The following GRIN2B variants were observed in gnomAD, a reference collection of about 807,000 sequenced individuals.
GRIN2B encodes glutamate receptor ionotropic, NMDA 2B.
GRIN2B carries 5 observed loss-of-function variants against 114.5 expected under a neutral mutation model. That is an observed-to-expected ratio of 0.04 (90% CI 0.02 to 0.09). The LOEUF (loss-of-function observed/expected upper bound fraction) is 0.09. Among genes scored for constraint, GRIN2B ranks in the 10% least tolerant of loss-of-function variants. The pLI is 1.00. For synonymous variants in GRIN2B, 787 were observed against 745.1 expected, an observed-to-expected ratio of 1.06 and a Z score of -0.92; for missense variants, 1,108 against 1,943.5, an observed-to-expected ratio of 0.57 and a Z score of 8.08.
rs183264899 is a variant in GRIN2B, at chr12:13,691,000, A to C, written c.1011-15141T>G. ...AACTAGAAAAACAAAAGGGACATTT[A>C]TTCATTATTTTTTTCTAGTACTTTT... On this transcript the variant is annotated intron_variant, in intron 4 of 13. Transcript: ENST00000609686. Among the ~76,000 whole-genome samples the C allele has an allele frequency of 9.2e-5, 14 of 152,310 alleles. No homozygotes were observed. The East Asian group carries it at 2.5e-3, about 27-fold the overall frequency.
chr12:13,897,892 G>A (rs1245417223), intron 2 of GRIN2B, among the ~76,000 whole-genome samples: 2 of 151,368 alleles, frequency 1.3e-5, no homozygotes, highest in Non-Finnish European at 2.9e-5. Flanking sequence ...TATATCCTGG[G>A]CCCAGATTAT....
intron 10 of GRIN2B, among the ~76,000 whole-genome samples, chr12:13,589,950 TA>T (rs1948983576): frequency 6.6e-6 from 1 of 152,138 alleles, no homozygotes. Flanking sequence ...GTGGACAGAT[TA>T]TGATAGACTA....
At chr12:13,831,755 A>T (rs1225181284) in intron 3 of GRIN2B, among the ~76,000 whole-genome samples, 1 of 152,202 alleles carries the variant, frequency 6.6e-6, no homozygotes, top group Non-Finnish European at 1.5e-5. Flanking sequence ...AAAGGTTTTT[A>T]GTCTCTTTTC....
chr12:13,929,252 A>G (rs964210383), intron 2 of GRIN2B, among the ~76,000 whole-genome samples: 26 of 152,366 alleles, frequency 1.7e-4, no homozygotes, highest in Admixed American at 1.5e-3. Context: ...AAGACAAACA[A>G]AAAAACAGTG....
intron 2 of GRIN2B, among the ~76,000 whole-genome samples, chr12:13,941,562 G>A (rs368885827): frequency 1.3e-5 from 2 of 152,170 alleles, no homozygotes; most frequent in East Asian, 3.9e-4. Context: ...ACTGTGGGGA[G>A]CATGACTTGA....
intron 2 of GRIN2B, among the ~76,000 whole-genome samples, chr12:13,920,347 A>G (rs2136811140): frequency 6.6e-6 from 1 of 152,266 alleles, no homozygotes; most frequent in Non-Finnish European, 1.5e-5. Flanking sequence ...TACGCTTCTC[A>G]CAGAAGCATC....
chr12:13,773,927 A>G (rs1290078549), intron 3 of GRIN2B, among the ~76,000 whole-genome samples: 1 of 152,204 alleles, frequency 6.6e-6, no homozygotes, highest in Middle Eastern at 3.2e-3. Context: ...ACACTGGGTG[A>G]GCAAATGAAC....
At chr12:13,662,149 A>G (rs966047962) in intron 5 of GRIN2B, among the ~76,000 whole-genome samples, 1 of 152,292 alleles carries the variant, frequency 6.6e-6, no homozygotes, top group African/African-American at 2.4e-5. Context: ...TTTTGGAAAA[A>G]TCAAGCATAA....
At chr12:13,802,162 C>T (rs912860958) in intron 3 of GRIN2B, among the ~76,000 whole-genome samples, 2 of 151,994 alleles carry the variant, frequency 1.3e-5, no homozygotes, top group East Asian at 1.9e-4. Context: ...AAGATAGACA[C>T]GGGGAAAAGA....
Position 13,563,027 on chromosome 12 carries a change from T to A in GRIN2B, c.4211A>T (p.Tyr1404Phe). 1 of 1,613,884 alleles carries A rather than the reference T, an allele frequency of 6.2e-7. No individual in the cohort carries two copies. Among genetic ancestry groups the A allele is most frequent in the Middle Eastern group, 1.6e-4 (1 of 6,062 alleles). The change falls in exon 14 of 14, where the codon TAC (tyrosine) becomes TTC (phenylalanine). Residue 1404 changes from tyrosine to phenylalanine, a missense_variant. Transcript: ENST00000609686. ...CGCCACCGTGGGCTGCCTGAAGAAG[T>A]AGGATTTGCTGCCATGGAGCAAGCA... ...DQCLLHGSKS[Y>F]FFRQPTVAGA...
intron 3 of GRIN2B, among the ~76,000 whole-genome samples, chr12:13,840,460 T>C (rs960296443): frequency 5.3e-5 from 8 of 152,164 alleles, no homozygotes; most frequent in African/African-American, 1.9e-4. Context: ...GCTGCCCCTC[T>C]TACCTGCTGG....
rs1360037090 is a variant in GRIN2B, at chr12:13,560,787, C to G, written c.*1996G>C. On this transcript the variant is annotated 3_prime_UTR_variant, in exon 14 of 14. Coordinates refer to ENST00000609686, the MANE Select transcript of GRIN2B (RefSeq NM_000834.5). Reference sequence around the variant, plus strand: ...TCAGTTGGCTTTAAAATGAAAGATACTGAGGTAAAAATCAAGGAGGAGGGT... The same window carrying G: ...TCAGTTGGCTTTAAAATGAAAGATAGTGAGGTAAAAATCAAGGAGGAGGGT... 2 of 152,190 alleles carry G rather than the reference C, an allele frequency of 1.3e-5. No individual in the cohort carries two copies. The highest frequency in any genetic ancestry group is 1.3e-4 in the Admixed American group (2 of 15,276). 9.4% of individuals were successfully genotyped at this position (152,190 alleles called of 1,614,324 possible).
At chr12:13,810,535 T>C (rs760387030) in intron 3 of GRIN2B, among the ~76,000 whole-genome samples, 4 of 152,202 alleles carry the variant, frequency 2.6e-5, no homozygotes, top group Non-Finnish European at 5.9e-5. Context: ...CATGTGGTCA[T>C]TCTAAAGGGC....
chr12:13,594,182 C>T (rs899801932), intron 10 of GRIN2B, among the ~76,000 whole-genome samples: 12 of 152,176 alleles, frequency 7.9e-5, no homozygotes, highest in African/African-American at 2.9e-4. Flanking sequence ...GGGTATATAC[C>T]CAAAGGATTA....
chr12:13,616,717 T>G, intron 5 of GRIN2B, 60 bp from the exon 6 acceptor site: 1 of 1,346,576 alleles, frequency 7.4e-7, no homozygotes, highest in Non-Finnish European at 1.1e-6. Flanking sequence ...AAACAGCCTG[T>G]CCCAGTATTG....
At chr12:13,791,476 T>A (rs1378389460) in intron 3 of GRIN2B, among the ~76,000 whole-genome samples, 5 of 130,964 alleles carry the variant, frequency 3.8e-5, no homozygotes, top group Non-Finnish European at 8.7e-5. Context: ...AAAAAAAAAA[T>A]TCCATGTCAT....
At chr12:13,607,674 TA>T (rs1292465255) in intron 10 of GRIN2B, among the ~76,000 whole-genome samples, 3 of 146,106 alleles carry the variant, frequency 2.1e-5, no homozygotes, top group African/African-American at 5.1e-5. Context: ...TGCAAAGTAC[TA>T]TTTGGTCTGA....
chr12:13,542,857 G>C lies in GRIN2B; in HGVS notation c.*19926C>G, dbSNP rs73290079. 10,031 of 152,154 alleles carry C rather than the reference G, an allele frequency of 0.066. 430 individuals carry two copies. Among genetic ancestry groups the C allele is most frequent in the East Asian group, 0.18 (913 of 5,152 alleles). 9.4% of individuals were successfully genotyped at this position (152,154 alleles called of 1,614,324 possible). A position where few individuals can be genotyped will look rare whatever the true frequency, so the allele number is the denominator to read the frequency against. On this transcript the variant is annotated 3_prime_UTR_variant, in exon 14 of 14. Coordinates refer to ENST00000609686, the MANE Select transcript of GRIN2B (RefSeq NM_000834.5). ...TTTGAGGACCCTGAATCACTCCCAG[G>C]TGGTGAGCATTTCCACTTGCACCTT...
At chr12:13,981,250 G>T (rs1246290677) in intron 1 of GRIN2B, 92 bp downstream of exon 1, 2 of 152,044 alleles carry the variant, frequency 1.3e-5, no homozygotes, top group Admixed American at 6.5e-5. Context: ...TGCCAGATTC[G>T]TTCACGATTT....
Sources: gnomAD v4.1 joint callset for allele counts (sites outside exome capture counted in the v4.1 genomes callset) on GRCh38, gnomAD v4.1.1 for gene constraint, MANE v1.5 for transcripts, NCBI Gene and HGNC (gene_info 2026-07-23, HGNC 2026-07-21) for gene names.